Variants in SLAIN2 observed in about 807,000 individuals in gnomAD.
SLAIN2 encodes SLAIN family member 2.
A neutral mutation model predicts 56.6 loss-of-function variants in SLAIN2; 31 were observed. That is an observed-to-expected ratio of 0.55 (90% CI 0.41 to 0.74). The LOEUF is 0.74. Ranked by LOEUF, SLAIN2 falls within the 30% of genes least tolerant of loss-of-function variation. The probability of loss-of-function intolerance (pLI) is 0.00; values close to 1 mark genes in which losing one functional copy is unlikely to be tolerated. For synonymous variants in SLAIN2, 317 were observed against 284.9 expected, an observed-to-expected ratio of 1.11 and a Z score of -1.13; for missense variants, 777 against 754.2, an observed-to-expected ratio of 1.03 and a Z score of -0.35.
rs57142552 is a variant in SLAIN2 at position 48,393,386 on chromosome 4, TTGTGTGTGTGTGTG to T, written c.1360+9626_1360+9639del. Among the ~76,000 whole-genome samples, 10 of 135,448 alleles carry T rather than the reference TTGTGTGTGTGTGTG, an allele frequency of 7.4e-5. No homozygotes were observed. The South Asian group carries it at 2.1e-3, about 28-fold the overall frequency. The allele number at this position is 135,448 out of a possible 152,430, so 88.9% of individuals were successfully genotyped here. A position where few individuals can be genotyped will look rare whatever the true frequency, so the allele number is the denominator to read the frequency against. ...CCACAGACACACCACCATGTCTGGC[TTGTGTGTGTGTGTG>T]TGTGTGTGTGTGTGTGTGTGTGTAG... On this transcript the variant is annotated intron_variant, in intron 6 of 7. Coordinates refer to ENST00000264313, the MANE Select transcript of SLAIN2 (RefSeq NM_020846.2).
chr4:48,374,936 A>G (rs189972115), intron 2 of SLAIN2, among the ~76,000 whole-genome samples: 21 of 152,348 alleles, frequency 1.4e-4, no homozygotes, highest in African/African-American at 3.4e-4. Context: ...AGTTGATCTT[A>G]TATGTTGACT....
intron 6 of SLAIN2, among the ~76,000 whole-genome samples, chr4:48,405,028 A>G (rs2109779803): frequency 6.6e-6 from 1 of 152,356 alleles, no homozygotes; most frequent in East Asian, 1.9e-4. Context: ...TTGTTCTTTC[A>G]TAGACTGTGT....
rs1236086295 is a variant in SLAIN2 at position 48,364,280 on chromosome 4, C to T, written c.390-5569C>T. 4.1e-3 allele frequency among the ~76,000 whole-genome samples: 403 copies of T among 98,688 alleles called. 1 individual carries two copies. The highest frequency in any genetic ancestry group is 0.03 in the Middle Eastern group (6 of 202). 64.7% of individuals were successfully genotyped at this position (98,688 alleles called of 152,430 possible). On this transcript the variant is annotated intron_variant, in intron 1 of 7. Coordinates refer to ENST00000264313, the MANE Select transcript of SLAIN2 (RefSeq NM_020846.2). ...CGCTCCCCACATCTCAGACGATGGGCGGCGGGGCAGAGACGCTCCTCACTT... is the reference window on the plus strand; with the variant it reads ...CGCTCCCCACATCTCAGACGATGGGTGGCGGGGCAGAGACGCTCCTCACTT...
chr4:48,406,514 GCTCT>G (rs1376671190), intron 6 of SLAIN2, among the ~76,000 whole-genome samples: 7 of 133,216 alleles, frequency 5.3e-5, no homozygotes, highest in South Asian at 2.6e-4. Context: ...TTTTGGTTAT[GCTCT>G]CTCTCTCTTT....
At chr4:48,375,728 T>A (rs1258102616) in intron 2 of SLAIN2, among the ~76,000 whole-genome samples, 1 of 152,236 alleles carries the variant, frequency 6.6e-6, no homozygotes. Context: ...AGGCCTTCCA[T>A]GACCTGGCTC....
chr4:48,394,307 A>T (rs1716320031), intron 6 of SLAIN2, among the ~76,000 whole-genome samples: 1 of 151,742 alleles, frequency 6.6e-6, no homozygotes, highest in South Asian at 2.1e-4. Flanking sequence ...TTTCTCTTTG[A>T]TATTTTGACC....
In SLAIN2 at chr4:48,420,087, T is replaced by G. The variant is rs1476689930; in HGVS notation, c.1361-38T>G. On this transcript the variant is annotated intron_variant, in intron 6 of 7. Transcript: ENST00000264313. The stretch of plus-strand genomic sequence containing the variant: ...AAGCAATGGTTTCATATATACAGAT[T>G]TCCACTCAAAAATTGGTTTTTCTTT... The G allele has an allele frequency of 1.9e-6, 3 of 1,597,792 alleles. No individual in the cohort carries two copies. The East Asian group carries it at 6.7e-5, about 36-fold the overall frequency.
At chr4:48,420,566 T>G (rs1358348196) in intron 7 of SLAIN2, 123 bp downstream of exon 7, 1 of 1,057,956 alleles carries the variant, frequency 9.5e-7, no homozygotes, top group Non-Finnish European at 1.4e-6. Flanking sequence ...CCACCAGAGT[T>G]TTAGTACCAT....
chr4:48,371,971 TAC>T (rs35354568), intron 2 of SLAIN2, among the ~76,000 whole-genome samples: 92,301 of 147,850 alleles, frequency 0.62, 28,971 homozygotes, highest in East Asian at 0.76. Context: ...AAAAAGTATA[TAC>T]ACACACACAC....
Position 48,348,973 on chromosome 4 carries a change from C to A in SLAIN2, c.389+6845C>A, listed in dbSNP as rs141540952. 1.5e-3 allele frequency among the ~76,000 whole-genome samples: 224 copies of A among 152,270 alleles called. 5 individuals carry two copies. The East Asian group carries it at 0.036, about 25-fold the overall frequency. The stretch of plus-strand genomic sequence containing the variant: ...TTTACTTTTTTCCTAGATTTACTTG[C>A]TTTTGCCAGAACCTTCAAGAACATT... On this transcript the variant is annotated intron_variant, in intron 1 of 7. Coordinates refer to ENST00000264313, the MANE Select transcript of SLAIN2 (RefSeq NM_020846.2).
intron 6 of SLAIN2, among the ~76,000 whole-genome samples, chr4:48,414,611 G>A (rs1716951271): frequency 7.2e-6 from 1 of 138,288 alleles, no homozygotes; most frequent in Non-Finnish European, 1.5e-5. Context: ...ACATTGTGCA[G>A]GTTAGTTACA....
intron 6 of SLAIN2, among the ~76,000 whole-genome samples, chr4:48,403,189 G>A (rs1414836630): frequency 6.6e-6 from 1 of 152,238 alleles, no homozygotes; most frequent in Non-Finnish European, 1.5e-5. Context: ...GCAGTCGGGA[G>A]GAATGGGATC....
At chr4:48,388,746 C>T (rs1445355051) in intron 6 of SLAIN2, among the ~76,000 whole-genome samples, 6 of 152,172 alleles carry the variant, frequency 3.9e-5, no homozygotes, top group African/African-American at 1.2e-4. Flanking sequence ...TCTTGGAAAA[C>T]ATTCTTGAAT....
intron 1 of SLAIN2, among the ~76,000 whole-genome samples, chr4:48,361,005 A>C (rs1715313308): frequency 6.6e-6 from 1 of 152,250 alleles, no homozygotes; most frequent in African/African-American, 2.4e-5. Context: ...ACAGGACAAA[A>C]ATGAATAAAA....
At chr4:48,419,114 T>A (rs1198031096) in intron 6 of SLAIN2, among the ~76,000 whole-genome samples, 4 of 151,816 alleles carry the variant, frequency 2.6e-5, no homozygotes, top group African/African-American at 9.7e-5. Flanking sequence ...TTTTCCTTTT[T>A]TTTTTTGAGA....
intron 1 of SLAIN2, among the ~76,000 whole-genome samples, chr4:48,364,797 T>C (rs1471653929): frequency 7.5e-5 from 10 of 134,118 alleles, no homozygotes; most frequent in Non-Finnish European, 1.4e-4. Context: ...GAGGTTGCAG[T>C]GTGCCGAGAT....
At position 48,382,873 on chromosome 4, in the gene SLAIN2, C is replaced by A; in HGVS notation, c.1168C>A (p.Leu390Ile). Residue 390 changes from leucine (L) to isoleucine (I), a missense_variant, in exon 5 of 8, where the codon CTT (leucine) becomes ATT (isoleucine). Physicochemically the swap from Leu to Ile is conservative, Grantham distance 5. Transcript: ENST00000264313. ...GATTAGCCGCTTACAGCAACCTCGC[C>A]TTTCACTTCAAGGCCATCCCACAGA... The part of the protein sequence containing the change: ...PMISRLQQPR[L>I]SLQGHPTDLQ... The A allele has an allele frequency of 6.2e-7, 1 of 1,613,452 alleles. No homozygotes were observed. The highest frequency in any genetic ancestry group is 8.5e-7 in the Non-Finnish European group (1 of 1,179,656).
Position 48,378,038 on chromosome 4 carries a change from G to A in SLAIN2, c.681G>A (p.Gln227=). 1 of 1,613,064 alleles carries A rather than the reference G, an allele frequency of 6.2e-7. No individual in the cohort carries two copies. Among genetic ancestry groups the A allele is most frequent in the Non-Finnish European group, 8.5e-7 (1 of 1,179,672 alleles). The change falls in exon 3 of 8, where the codon CAG becomes CAA. Residue 227 remains glutamine, a synonymous_variant. Transcript: ENST00000264313. ...CAGTGCGACCTCCTATAGTCAAACA[G>A]CTTATACTTCCTGGAAATTCAGGTA... is the stretch of plus-strand genomic sequence containing the variant. ...STPVRPPIVK[Q]LILPGNSGNL...
At chr4:48,417,642 C>T (rs2109789271) in intron 6 of SLAIN2, among the ~76,000 whole-genome samples, 1 of 132,788 alleles carries the variant, frequency 7.5e-6, no homozygotes, top group South Asian at 3.0e-4. Context: ...CATCAAAAAG[C>T]TTACCCACCA....
Sources: allele counts gnomAD v4.1 joint callset (sites outside exome capture counted in the v4.1 genomes callset), GRCh38; gene constraint gnomAD v4.1.1; transcripts MANE v1.5; gene names NCBI Gene and HGNC (gene_info 2026-07-23, HGNC 2026-07-21).